Variants in GNAT3 observed in about 807,000 individuals in gnomAD.
GNAT3 encodes G protein subunit alpha transducin 3.
Under a neutral mutation model 37.7 loss-of-function variants are expected in GNAT3, and 31 were observed. The ratio of observed to expected loss-of-function variants is 0.82; its 90% confidence interval spans 0.62 to 1.11. The LOEUF is 1.11. Among genes scored for constraint, GNAT3 ranks in the 50% most tolerant of loss-of-function variants. The pLI is 0.00. For missense variants in GNAT3, 437 were observed against 412.5 expected (o/e 1.06, Z -0.51); for synonymous variants, 138 against 139.8 (o/e 0.99, Z 0.09).
At chr7:80,493,715 CCTT>C (rs1790649565) in intron 2 of GNAT3, among the ~76,000 whole-genome samples, 1 of 125,450 alleles carries the variant, frequency 8.0e-6, no homozygotes, top group African/African-American at 3.3e-5. Context: ...TGTTCCTCCT[CCTT>C]CTCTTTCCTC....
intron 4 of GNAT3, among the ~76,000 whole-genome samples, chr7:80,476,268 A>C (rs1790300148): frequency 6.6e-6 from 1 of 151,730 alleles, no homozygotes; most frequent in Admixed American, 6.6e-5. Context: ...CAAATATGGA[A>C]TGTGGGAGTT....
chr7:80,466,095 G>A (rs2116145599), intron 5 of GNAT3, among the ~76,000 whole-genome samples: 1 of 152,078 alleles, frequency 6.6e-6, no homozygotes, highest in Non-Finnish European at 1.5e-5. Flanking sequence ...CTCAGGGGGG[G>A]AAAATAAAAA....
chr7:80,494,380 CT>C (rs1790674525), intron 2 of GNAT3, among the ~76,000 whole-genome samples: 1 of 152,062 alleles, frequency 6.6e-6, no homozygotes, highest in Non-Finnish European at 1.5e-5. Flanking sequence ...AAGCATTTGT[CT>C]TATTGAGAGG....
chr7:80,482,455 TTTTC>T (rs1790406015), intron 3 of GNAT3, among the ~76,000 whole-genome samples: 6 of 151,954 alleles, frequency 3.9e-5, no homozygotes, highest in South Asian at 2.1e-4. Context: ...TTCTTTCTGT[TTTTC>T]TTTCTTATTT....
intron 7 of GNAT3, among the ~76,000 whole-genome samples, chr7:80,460,644 A>AG (rs1304356397): frequency 3.9e-5 from 6 of 152,070 alleles, no homozygotes; most frequent in Non-Finnish European, 8.8e-5. Flanking sequence ...GCTACTCGGG[A>AG]GGCCAAGGCA....
chr7:80,482,381 A>G (rs1279721472), intron 3 of GNAT3, among the ~76,000 whole-genome samples: 2 of 152,166 alleles, frequency 1.3e-5, no homozygotes, highest in African/African-American at 4.8e-5. Context: ...TTTTATCCCT[A>G]AGGAGAAAAA....
intron 1 of GNAT3, among the ~76,000 whole-genome samples, chr7:80,501,256 G>A (rs1261043061): frequency 1.3e-5 from 2 of 151,842 alleles, no homozygotes; most frequent in Non-Finnish European, 2.9e-5. Context: ...TGTTATGGAA[G>A]CCCGCATTTT....
intron 2 of GNAT3, among the ~76,000 whole-genome samples, chr7:80,490,017 T>A (rs997626147): frequency 4.6e-5 from 7 of 152,106 alleles, no homozygotes; most frequent in Non-Finnish European, 1.0e-4. Flanking sequence ...ACATCGTTTT[T>A]CCAGGAGATG....
intron 5 of GNAT3, among the ~76,000 whole-genome samples, chr7:80,466,805 G>T (rs1294533181): frequency 1.3e-5 from 2 of 152,122 alleles, no homozygotes; most frequent in Non-Finnish European, 2.9e-5. Context: ...TGATGAGTCA[G>T]CTTCTTTGCA....
chr7:80,511,684 C>T, intron 1 of GNAT3, 125 bp downstream of exon 1: 3 of 574,954 alleles, frequency 5.2e-6, no homozygotes, highest in Non-Finnish European at 6.1e-6. Context: ...CTTAAGTTTC[C>T]AAACACATTT....
At chr7:80,502,488 T>C (rs1790851765) in intron 1 of GNAT3, among the ~76,000 whole-genome samples, 1 of 152,160 alleles carries the variant, frequency 6.6e-6, no homozygotes, top group South Asian at 2.1e-4. Context: ...GGAATAGTCA[T>C]GTATACTATT....
intron 2 of GNAT3, among the ~76,000 whole-genome samples, chr7:80,492,541 T>C (rs1285076627): frequency 6.6e-6 from 1 of 151,770 alleles, no homozygotes; most frequent in Non-Finnish European, 1.5e-5. Context: ...TGCAACCTAA[T>C]TGCTTATGTT....
intron 3 of GNAT3, among the ~76,000 whole-genome samples, chr7:80,483,228 G>A (rs1018879149): frequency 6.6e-6 from 1 of 152,014 alleles, no homozygotes; most frequent in Non-Finnish European, 1.5e-5. Context: ...AGAATTTCTG[G>A]CAATATACAG....
At chr7:80,498,779 A>C (rs1430813147) in intron 1 of GNAT3, among the ~76,000 whole-genome samples, 1 of 152,128 alleles carries the variant, frequency 6.6e-6, no homozygotes, top group Non-Finnish European at 1.5e-5. Flanking sequence ...GAGAATTTTA[A>C]CAAGATATGC....
chr7:80,458,691 T>C lies in GNAT3; in HGVS notation c.1045A>G (p.Lys349Glu). The change falls in exon 8 of 8, where the codon AAA (lysine) becomes GAA (glutamate). Residue 349 changes from lysine to glutamate, a missense_variant. Physicochemically the swap from Lys to Glu is moderately conservative, Grantham distance 56. Coordinates refer to ENST00000398291, the MANE Select transcript of GNAT3 (RefSeq NM_001102386.3). Reference sequence around the variant, plus strand: ...GTTGATTAGAAAAGCCCACAGTCTTTTAGATTCTCTTTGATTATTATATCT... The same window carrying C: ...GTTGATTAGAAAAGCCCACAGTCTTCTAGATTCTCTTTGATTATTATATCT... ...VTDIIIKENL[K>E]DCGLF 2 of 1,570,076 alleles carry C rather than the reference T, an allele frequency of 1.3e-6. No homozygotes were observed. Among genetic ancestry groups the C allele is most frequent in the Non-Finnish European group, 1.7e-6 (2 of 1,160,018 alleles).
intron 5 of GNAT3, among the ~76,000 whole-genome samples, chr7:80,472,323 C>G (rs980278959): frequency 9.2e-5 from 14 of 152,074 alleles, no homozygotes; most frequent in Non-Finnish European, 1.8e-4. Flanking sequence ...AATCAGCCAG[C>G]CCTCCATCGC....
At position 80,462,302 on chromosome 7, in the gene GNAT3, T is replaced by C; in HGVS notation, c.731A>G (p.His244Arg). ...ACTGTTGAACAGGTGAAGGCTTTCA[T>C]GCATTCTATTCTGTTAGGTATCAGA... ...LVEDEEVNRM[H>R]ESLHLFNSIC... The change falls in exon 7 of 8, where the codon CAT becomes CGT. Residue 244 changes from histidine to arginine, a missense_variant. Physicochemically the swap from His to Arg is conservative, Grantham distance 29 (BLOSUM62 0). Coordinates refer to ENST00000398291, the MANE Select transcript of GNAT3 (RefSeq NM_001102386.3). 1 of 1,612,888 alleles carries C rather than the reference T, an allele frequency of 6.2e-7. No individual in the cohort carries two copies. Among genetic ancestry groups the C allele is most frequent in the South Asian group, 1.1e-5 (1 of 90,946 alleles).
intron 1 of GNAT3, among the ~76,000 whole-genome samples, chr7:80,501,402 T>C (rs1790832169): frequency 6.6e-6 from 1 of 151,998 alleles, no homozygotes; most frequent in Non-Finnish European, 1.5e-5. Context: ...TACCCATAAA[T>C]ATTTTGAAAT....
intron 2 of GNAT3, among the ~76,000 whole-genome samples, chr7:80,491,029 A>G (rs1790581308): frequency 6.6e-6 from 1 of 152,156 alleles, no homozygotes. Flanking sequence ...TGAAGAGTTG[A>G]ATTCAGGAGA....
Sources: allele counts gnomAD v4.1 joint callset (sites outside exome capture counted in the v4.1 genomes callset), GRCh38; gene constraint gnomAD v4.1.1; transcripts MANE v1.5; gene names NCBI Gene and HGNC (gene_info 2026-07-23, HGNC 2026-07-21).